FHOD3: variants seen among roughly 807,000 people sequenced by gnomAD.
The protein encoded by FHOD3 is formin homology 2 domain containing 3, also known as FH1/FH2 domain-containing protein 3.
A neutral mutation model predicts 173.0 loss-of-function variants in FHOD3; 90 were observed. The ratio of observed to expected loss-of-function variants is 0.52; its 90% CI spans 0.44 to 0.62. The LOEUF is 0.62. Among genes scored for constraint, FHOD3 ranks in the 20% least tolerant of loss-of-function variants. The pLI is 0.00. For missense variants in FHOD3, 1,945 were observed against 2,034.7 expected (o/e 0.96, Z 0.85); for synonymous variants, 828 against 823.0 (o/e 1.01, Z -0.10).
rs570108912 is a variant in FHOD3, at chr18:36,579,218, G to C, written c.606+2673G>C. Reference sequence around the variant, plus strand: ...TGGTCTCAAGGACATAAAAGCTAGGGAGATGGGAAGAGATTTTGCAAGAAA... The same window carrying C: ...TGGTCTCAAGGACATAAAAGCTAGGCAGATGGGAAGAGATTTTGCAAGAAA... On this transcript the variant is annotated intron_variant, in intron 6 of 28. Transcript: ENST00000590592. 3.9e-5 allele frequency among the ~76,000 whole-genome samples: 6 copies of C among 152,342 alleles called. No homozygotes were observed. The East Asian group carries it at 1.2e-3, about 29-fold the overall frequency.
At chr18:36,663,063 A>G (rs1201780224) in intron 14 of FHOD3, among the ~76,000 whole-genome samples, 1 of 152,210 alleles carries the variant, frequency 6.6e-6, no homozygotes, top group Non-Finnish European at 1.5e-5. Context: ...ATGTAGAAAC[A>G]TTCAATTTCA....
chr18:36,777,198 C>CTTTTTTT (rs11294880), intron 28 of FHOD3, among the ~76,000 whole-genome samples: 177 of 108,748 alleles, frequency 1.6e-3, no homozygotes, highest in African/African-American at 3.1e-3. Flanking sequence ...TCTTCTTTTT[C>CTTTTTTT]TTTTTTTTTT....
chr18:36,761,285 A>C (rs563776740), intron 27 of FHOD3, among the ~76,000 whole-genome samples: 1 of 152,304 alleles, frequency 6.6e-6, no homozygotes, highest in East Asian at 1.9e-4. Flanking sequence ...CCTTAGGCAG[A>C]GACAAAAACT....
intron 4 of FHOD3, among the ~76,000 whole-genome samples, chr18:36,508,555 A>C (rs2055435518): frequency 6.6e-6 from 1 of 151,862 alleles, no homozygotes; most frequent in South Asian, 2.1e-4. Context: ...AGTGAGCATC[A>C]GTAAGGGTGA....
At chr18:36,466,962 C>T (rs1162589008) in intron 3 of FHOD3, among the ~76,000 whole-genome samples, 1 of 152,060 alleles carries the variant, frequency 6.6e-6, no homozygotes, top group African/African-American at 2.4e-5. Context: ...CTGGAATTCC[C>T]CTTTAAGGGA....
intron 14 of FHOD3, among the ~76,000 whole-genome samples, chr18:36,678,173 G>A (rs925649194): frequency 6.6e-6 from 1 of 152,022 alleles, no homozygotes; most frequent in African/African-American, 2.4e-5. Context: ...CCAGAATAAT[G>A]TCAAATATAA....
In FHOD3 at chr18:36,451,548, G is replaced by C. The variant is rs542014935; in HGVS notation, c.338-50384G>C. Among the ~76,000 whole-genome samples the C allele has an allele frequency of 2.6e-5, 4 of 152,328 alleles. No homozygotes were observed. The East Asian group carries it at 7.7e-4, about 29-fold the overall frequency. ...TTTCTCCCAGCCTCTGCCTGGGTGT[G>C]GCCCTCTTTATCTAGATTGACTCAG... is the stretch of plus-strand genomic sequence containing the variant. On this transcript the variant is annotated intron_variant, in intron 3 of 28. Coordinates refer to ENST00000590592, the MANE Select transcript of FHOD3 (RefSeq NM_001281740.3).
Position 36,620,901 on chromosome 18 carries a change from A to AT in FHOD3, c.958-4600dup, listed in dbSNP as rs201902412. On this transcript the variant is annotated intron_variant, in intron 9 of 28. Transcript: ENST00000590592. ...GCAACGAAGCCTACAAGCAGAACCA[A>AT]TTTTTTTTTTCACAAAAGACTGAAT... is the stretch of plus-strand genomic sequence containing the variant. Among the ~76,000 whole-genome samples, 49 of 151,308 alleles carry AT rather than the reference A, an allele frequency of 3.2e-4. 1 individual carries two copies. The highest frequency in any genetic ancestry group is 2.9e-3 in the East Asian group (15 of 5,160).
Position 36,297,791 on chromosome 18 carries a change from G to T in FHOD3, c.-45G>T. 6.9e-7 allele frequency: 1 copy of T among 1,459,780 alleles called. No homozygotes were observed. The highest frequency in any genetic ancestry group is 3.1e-5 in the East Asian group (1 of 32,436). The allele number at this position is 1,459,780 out of a possible 1,614,324, so 90.4% of individuals were successfully genotyped here. On this transcript the variant is annotated 5_prime_UTR_variant, in exon 1 of 29. Coordinates refer to ENST00000590592, the MANE Select transcript of FHOD3 (RefSeq NM_001281740.3). ...AGCTACCCGGGCGTCCCGGCCCGCG[G>T]CCCCGCTAACCCCGGGGCCCGCGCC...
At chr18:36,652,150 G>A (rs1446756407) in intron 11 of FHOD3, among the ~76,000 whole-genome samples, 1 of 152,248 alleles carries the variant, frequency 6.6e-6, no homozygotes, top group Non-Finnish European at 1.5e-5. Flanking sequence ...TTTTTAGCAG[G>A]AGGACAGATC....
At chr18:36,368,882 C>G (rs1264472652) in intron 2 of FHOD3, among the ~76,000 whole-genome samples, 2 of 152,040 alleles carry the variant, frequency 1.3e-5, no homozygotes, top group Non-Finnish European at 2.9e-5. Flanking sequence ...GAAACCACCC[C>G]CCTGATCCAA....
At chr18:36,586,048 C>T (rs1234567458) in intron 6 of FHOD3, among the ~76,000 whole-genome samples, 2 of 152,232 alleles carry the variant, frequency 1.3e-5, no homozygotes, top group African/African-American at 2.4e-5. Flanking sequence ...CTGCCACACT[C>T]TTCTAACAGC....
chr18:36,693,430 A>T lies in FHOD3; in HGVS notation c.2236+7A>T, dbSNP rs2039081360. The T allele has an allele frequency of 6.2e-7, 1 of 1,610,208 alleles. No individual in the cohort carries two copies. The highest frequency in any genetic ancestry group is 8.5e-7 in the Non-Finnish European group (1 of 1,177,074). ...ACCCCTCACCATCCCCAAGGTGAGT[A>T]CAGGGAGAGTAGAGGGAAAATGAAC... On this transcript the variant is annotated splice_region_variant and intron_variant, in intron 17 of 28. Coordinates refer to ENST00000590592, the MANE Select transcript of FHOD3 (RefSeq NM_001281740.3).
Position 36,718,225 on chromosome 18 carries a change from C to G in FHOD3, c.2927C>G (p.Ser976Cys). ...GCGCCGGTGCAGCCGAAGACAGAGT[C>G]TGATTACATCTGGGACCAGCTCATG... Reference protein sequence around the residue: ...ETAPVQPKTESDYIWDQLMAN... With the variant: ...ETAPVQPKTECDYIWDQLMAN... Residue 976 changes from serine to cysteine, a missense_variant, in exon 19 of 29, where the codon TCT (serine) becomes TGT (cysteine). Transcript: ENST00000590592. The G allele has an allele frequency of 6.2e-7, 1 of 1,614,166 alleles. No individual in the cohort carries two copies. The highest frequency in any genetic ancestry group is 1.1e-5 in the South Asian group (1 of 91,082).
intron 3 of FHOD3, among the ~76,000 whole-genome samples, chr18:36,440,251 C>T (rs184011073): frequency 1.6e-4 from 25 of 152,326 alleles, no homozygotes; most frequent in African/African-American, 5.3e-4. Context: ...CACTCAAGCT[C>T]GGGCAGCCAT....
At chr18:36,436,483 G>T (rs2050816306) in intron 3 of FHOD3, among the ~76,000 whole-genome samples, 1 of 152,128 alleles carries the variant, frequency 6.6e-6, no homozygotes, top group Non-Finnish European at 1.5e-5. Flanking sequence ...TGGGATAAAA[G>T]ATCAGTGGGC....
intron 3 of FHOD3, among the ~76,000 whole-genome samples, chr18:36,377,439 G>T (rs2047498875): frequency 6.6e-6 from 1 of 152,154 alleles, no homozygotes; most frequent in African/African-American, 2.4e-5. Context: ...AAAATTAGCT[G>T]GATTCCCATG....
chr18:36,686,936 T>C (rs540654166), intron 15 of FHOD3, among the ~76,000 whole-genome samples, 192 bp from the exon 16 acceptor site: 6 of 152,240 alleles, frequency 3.9e-5, no homozygotes, highest in Non-Finnish European at 8.8e-5. Flanking sequence ...GTGATTGTAT[T>C]GAAGATCGAT....
intron 10 of FHOD3, among the ~76,000 whole-genome samples, chr18:36,640,961 A>G (rs888065310): frequency 1.3e-5 from 2 of 152,212 alleles, no homozygotes; most frequent in African/African-American, 4.8e-5. Context: ...CAGAGTTCTT[A>G]CTGGCAACCT....
Sources: allele counts gnomAD v4.1 joint callset (sites outside exome capture counted in the v4.1 genomes callset), GRCh38; gene constraint gnomAD v4.1.1; transcripts MANE v1.5; gene names NCBI Gene and HGNC (gene_info 2026-07-23, HGNC 2026-07-21).